The following PML variants were observed in gnomAD, a reference collection of about 807,000 sequenced individuals.
PML encodes PML nuclear body scaffold.
PML carries 28 observed loss-of-function variants against 65.2 expected under a neutral mutation model. The ratio of observed to expected loss-of-function variants is 0.43; its 90% CI spans 0.32 to 0.59. The LOEUF is 0.59. PML is among the 20% of genes least tolerant of loss of function. The probability of loss-of-function intolerance (pLI) is 0.08; values close to 1 mark genes in which losing one functional copy is unlikely to be tolerated. For missense variants in PML, 1,021 were observed against 1,203.4 expected (o/e 0.85, Z 2.24); for synonymous variants, 500 against 508.8 (o/e 0.98, Z 0.23).
intron 2 of PML, among the ~76,000 whole-genome samples, chr15:74,005,613 A>G (rs542080344): frequency 2.0e-5 from 3 of 151,810 alleles, no homozygotes; most frequent in East Asian, 1.9e-4. Flanking sequence ...TTAATTGCCA[A>G]AAGAGCTTAA....
At chr15:73,998,584 C>T (rs746056104) in intron 2 of PML, 108 bp downstream of exon 2, 39 of 920,774 alleles carry the variant, frequency 4.2e-5, no homozygotes, top group Non-Finnish European at 5.4e-5. Flanking sequence ...GCTTCTGGGG[C>T]CTTGCAACTC....
At position 74,035,263 on chromosome 15, in the gene PML, A is replaced by G; in HGVS notation, c.1710+733A>G. On this transcript the variant is annotated intron_variant, in intron 7 of 8. Transcript: ENST00000268058. The surrounding 1 kb of genome is among the most constrained non-coding windows in gnomAD (Gnocchi z 4.1). ...TCGCCAGCCCACTCCTCGCCAGTCC[A>G]GTCTCTGCTGAGAGCACAAGGAGCC... The G allele has an allele frequency of 3.1e-6, 5 of 1,612,876 alleles. No homozygotes were observed. Among genetic ancestry groups the G allele is most frequent in the Non-Finnish European group, 4.2e-6 (5 of 1,179,604 alleles).
rs185985303 is a variant in PML at position 74,037,311 on chromosome 15, G to A, written c.1710+2781G>A. The A allele has an allele frequency of 6.1e-5, 60 of 985,260 alleles. 1 individual carries two copies. In the Admixed American group the frequency reaches 3.1e-3, roughly 51 times the overall value. The allele number at this position is 985,260 out of a possible 1,614,324, so 61.0% of individuals were successfully genotyped here. A position where few individuals can be genotyped will look rare whatever the true frequency, so the allele number is the denominator to read the frequency against. ...ATCTTGCTATTTACAGATCCCCATC[G>A]CACCCCTTCCCTGCCCTCGTTAGGG... On this transcript the variant is annotated intron_variant, in intron 7 of 8. Transcript: ENST00000268058. The surrounding 1 kb of genome is among the most constrained non-coding windows in gnomAD (Gnocchi z 4.2).
chr15:74,016,790 A>ATTTTTTTTTTTTTTTTTT (rs1419052993), intron 2 of PML, among the ~76,000 whole-genome samples: 1 of 64,458 alleles, frequency 1.6e-5, no homozygotes, highest in Admixed American at 1.5e-4. Context: ...AGGCAGTGGC[A>ATTTTTTTTTTTTTTTTTT]TCTTTTTTTT....
rs569563993 is a variant in PML, at chr15:74,042,017, A to G, written c.1711-972A>G. Among the ~76,000 whole-genome samples the G allele has an allele frequency of 5.3e-5, 8 of 152,338 alleles. No individual in the cohort carries two copies. The highest frequency in any genetic ancestry group is 1.9e-4 in the East Asian group (1 of 5,186). On this transcript the variant is annotated intron_variant, in intron 7 of 8. Coordinates refer to ENST00000268058, the MANE Select transcript of PML (RefSeq NM_033238.3). The surrounding 1 kb of genome is among the most constrained non-coding windows in gnomAD (Gnocchi z 5.3). Reference sequence around the variant, plus strand: ...ATTCATGGGAGGTTCCAAGTTGGTCATCAAAGACTAAACATCTGGGCTTGG... The same window carrying G: ...ATTCATGGGAGGTTCCAAGTTGGTCGTCAAAGACTAAACATCTGGGCTTGG...
chr15:74,023,456 C>T, intron 3 of PML, 48 bp downstream of exon 3: 2 of 1,447,114 alleles, frequency 1.4e-6, no homozygotes, highest in Non-Finnish European at 1.9e-6. Flanking sequence ...TCTGCTGCAC[C>T]CTAGGGAAGG....
At chr15:74,017,063 C>T (rs1014705860) in intron 2 of PML, among the ~76,000 whole-genome samples, 18 of 151,820 alleles carry the variant, frequency 1.2e-4, no homozygotes, top group African/African-American at 3.6e-4. Flanking sequence ...TCCCAAAGTG[C>T]TGGGATTACA....
intron 4 of PML, among the ~76,000 whole-genome samples, chr15:74,029,519 G>T (rs1207432596): frequency 6.6e-6 from 1 of 152,100 alleles, no homozygotes; most frequent in African/African-American, 2.4e-5. Context: ...AGCTACTCAG[G>T]AGGCTGAGGC....
Position 74,042,881 on chromosome 15 carries a change from CCTT to C in PML, c.1711-106_1711-104del. The C allele has an allele frequency of 6.3e-7, 1 of 1,598,548 alleles. No homozygotes were observed. Among genetic ancestry groups the C allele is most frequent in the Non-Finnish European group, 8.5e-7 (1 of 1,176,718 alleles). ...GTCCCCTTTCCCAGTGGTACACCCT[CCTT>C]CATGTGCACGCAGATGCTCCCAGCT... On this transcript the variant is annotated intron_variant, in intron 7 of 8. Transcript: ENST00000268058. This position sits in a 1 kb window ranked among gnomAD's most constrained non-coding sequence, Gnocchi z 5.3.
Position 73,998,258 on chromosome 15 carries a change from G to A in PML, c.384G>A (p.Val128=). Residue 128 remains valine (V), a synonymous_variant, in exon 2 of 9, where the codon GTG becomes GTA. Transcript: ENST00000268058. ...VYRQIVDAQA[V]CTRCKESADF... is the part of the protein sequence containing the mutation. ...GGCAGATTGTGGATGCGCAGGCTGTGTGCACCCGCTGCAAAGAGTCGGCCG... is the reference window on the plus strand; with the variant it reads ...GGCAGATTGTGGATGCGCAGGCTGTATGCACCCGCTGCAAAGAGTCGGCCG... 1 of 1,614,172 alleles carries A rather than the reference G, an allele frequency of 6.2e-7. No homozygotes were observed. Among genetic ancestry groups the A allele is most frequent in the Non-Finnish European group, 8.5e-7 (1 of 1,180,032 alleles).
In PML at chr15:74,042,590, C is replaced by G. The variant is rs1166242829; in HGVS notation, c.1711-399C>G. The G allele has an allele frequency of 2.0e-6, 2 of 985,348 alleles. No homozygotes were observed. Among genetic ancestry groups the G allele is most frequent in the African/African-American group, 3.5e-5 (2 of 57,250 alleles). The allele number at this position is 985,348 out of a possible 1,614,324, so 61.0% of individuals were successfully genotyped here. ...CCCTGAGCCTCCATAAGCAGCACAGCACACTCATGCACACACCCACTGGCA... is the reference window on the plus strand; with the variant it reads ...CCCTGAGCCTCCATAAGCAGCACAGGACACTCATGCACACACCCACTGGCA... On this transcript the variant is annotated intron_variant, in intron 7 of 8. Coordinates refer to ENST00000268058, the MANE Select transcript of PML (RefSeq NM_033238.3). The surrounding 1 kb of genome is among the most constrained non-coding windows in gnomAD (Gnocchi z 5.3).
intron 2 of PML, among the ~76,000 whole-genome samples, chr15:74,014,530 G>A (rs968872153): frequency 6.6e-5 from 10 of 151,888 alleles, no homozygotes; most frequent in African/African-American, 2.2e-4. Context: ...ACGGGAGGCC[G>A]AGGCGGGTGG....
rs2071736832 is a variant in PML at position 74,043,562 on chromosome 15, C to A, written c.1861+423C>A. The stretch of plus-strand genomic sequence containing the variant: ...GGCTGCACAGGGCTGCCCACAGATC[C>A]AAGGTCACAGAGGGATCAGACCCCT... On this transcript the variant is annotated intron_variant, in intron 8 of 8. Transcript: ENST00000268058. This position sits in a 1 kb window ranked among gnomAD's most constrained non-coding sequence, Gnocchi z 4.3. Among the ~76,000 whole-genome samples the A allele has an allele frequency of 6.6e-6, 1 of 152,208 alleles. No individual in the cohort carries two copies. Among genetic ancestry groups the A allele is most frequent in the African/African-American group, 2.4e-5 (1 of 41,448 alleles).
intron 2 of PML, among the ~76,000 whole-genome samples, chr15:74,010,665 T>C (rs1034461118): frequency 1.3e-5 from 2 of 152,208 alleles, no homozygotes. Context: ...ACTGGTGTTA[T>C]GATAGCTATT....
rs2070923400 is a variant in PML, at chr15:74,023,238, G to T, written c.1013G>T (p.Cys338Phe). Residue 338 changes from cysteine to phenylalanine, a missense_variant, in exon 3 of 9, where the codon TGC (cysteine) becomes TTC (phenylalanine). Cys to Phe is a radical substitution (Grantham distance 205, BLOSUM62 -2). Coordinates refer to ENST00000268058, the MANE Select transcript of PML (RefSeq NM_033238.3). ...AGCGCGCTGGTGCAGAGGATGAAGT[G>T]CTACGCCTCGGACCAGGAGGTGCTG... The part of the protein sequence containing the change: ...TGSALVQRMK[C>F]YASDQEVLDM... 1.9e-6 allele frequency: 3 copies of T among 1,611,018 alleles called. No individual in the cohort carries two copies. Among genetic ancestry groups the T allele is most frequent in the Non-Finnish European group, 2.5e-6 (3 of 1,179,496 alleles).
rs1396278380 is a variant in PML at position 74,045,843 on chromosome 15, G to C, written c.*835G>C. The C allele has an allele frequency of 1.3e-5, 3 of 232,340 alleles. No homozygotes were observed. The highest frequency in any genetic ancestry group is 6.6e-5 in the African/African-American group (3 of 45,296). The allele number at this position is 232,340 out of a possible 1,614,324, so 14.4% of individuals were successfully genotyped here. ...ATCAGCATCCCCTGGGAGCTTCTTA[G>C]AAATGCAGACCTGTGGGCTCTACCA... On this transcript the variant is annotated 3_prime_UTR_variant, in exon 9 of 9. Transcript: ENST00000268058.
intron 2 of PML, among the ~76,000 whole-genome samples, chr15:74,018,068 C>T (rs1270383259): frequency 1.3e-5 from 2 of 152,110 alleles, no homozygotes; most frequent in Non-Finnish European, 2.9e-5. Flanking sequence ...CCTGTAATCC[C>T]AGCACTTCTG....
At position 73,998,218 on chromosome 15, in the gene PML, G is replaced by T; in HGVS notation, c.344G>T (p.Arg115Leu). The T allele has an allele frequency of 1.2e-6, 2 of 1,614,234 alleles. No homozygotes were observed. Among genetic ancestry groups the T allele is most frequent in the South Asian group, 1.1e-5 (1 of 91,088 alleles). Residue 115 changes from arginine (R) to leucine (L), a missense_variant, in exon 2 of 9, where the codon CGC becomes CTC. By Grantham distance (102) the Arg-to-Leu change is moderately radical. Transcript: ENST00000268058. ...GTCTTTTTCGAGAGTCTGCAGCGGC[G>T]CCTGTCGGTGTACCGGCAGATTGTG... ...DNVFFESLQRRLSVYRQIVDA... is the reference protein window; with the variant it reads ...DNVFFESLQRLLSVYRQIVDA...
In PML at chr15:74,035,891, C is replaced by A; in HGVS notation, c.1710+1361C>A. The A allele has an allele frequency of 6.2e-7, 1 of 1,613,776 alleles. No individual in the cohort carries two copies. Among genetic ancestry groups the A allele is most frequent in the Non-Finnish European group, 8.5e-7 (1 of 1,180,006 alleles). ...CCTCTCCAATTACATTCCCACCACC[C>A]TGTGCCCCAGAAAGGCCCCCCATCA... On this transcript the variant is annotated intron_variant, in intron 7 of 8. Coordinates refer to ENST00000268058, the MANE Select transcript of PML (RefSeq NM_033238.3). This position sits in a 1 kb window ranked among gnomAD's most constrained non-coding sequence, Gnocchi z 4.1.
Sources: gnomAD v4.1 joint callset for allele counts (sites outside exome capture counted in the v4.1 genomes callset) on GRCh38, gnomAD v4.1.1 for gene constraint, Gnocchi (gnomAD v3.1) non-coding constraint, MANE v1.5 for transcripts, NCBI Gene and HGNC (gene_info 2026-07-23, HGNC 2026-07-21) for gene names.